The following LRFN5 variants were observed in gnomAD, a reference collection of about 807,000 sequenced individuals.
The protein encoded by LRFN5 is leucine rich repeat and fibronectin type III domain containing 5, also known as leucine-rich repeat and fibronectin type-III domain-containing protein 5.
LRFN5 carries 24 observed loss-of-function variants against 45.6 expected under a neutral mutation model. That is an observed-to-expected ratio of 0.53 (90% CI 0.38 to 0.74). LRFN5 has a LOEUF of 0.74. LRFN5 is among the 30% of genes least tolerant of loss of function. LRFN5 has a pLI of 0.00. For synonymous variants in LRFN5, 340 were observed against 313.8 expected, an observed-to-expected ratio of 1.08 and a Z score of -0.88; for missense variants, 776 against 861.5, an observed-to-expected ratio of 0.90 and a Z score of 1.24.
At chr14:41,879,375 C>T (rs917703943) in intron 2 of LRFN5, among the ~76,000 whole-genome samples, 1 of 151,602 alleles carries the variant, frequency 6.6e-6, no homozygotes, top group African/African-American at 2.4e-5. Context: ...AATTAATCAC[C>T]TACTCACAAT....
intron 1 of LRFN5, among the ~76,000 whole-genome samples, chr14:41,704,867 C>A (rs1430557603): frequency 6.6e-6 from 1 of 152,086 alleles, no homozygotes. Context: ...TTATACATCT[C>A]TGGAGAAATA....
chr14:41,754,506 A>T (rs7161088), intron 1 of LRFN5, among the ~76,000 whole-genome samples: 2 of 151,872 alleles, frequency 1.3e-5, no homozygotes. Flanking sequence ...GGGTTTATGC[A>T]TCGAGGAATT....
At chr14:41,799,389 C>T (rs1411654695) in intron 2 of LRFN5, among the ~76,000 whole-genome samples, 6 of 151,966 alleles carry the variant, frequency 3.9e-5, no homozygotes, top group Non-Finnish European at 8.8e-5. Context: ...TGAGGGGGAT[C>T]ACTGCTGATC....
chr14:41,887,568 GA>G lies in LRFN5; in HGVS notation c.944del (p.Glu315GlyfsTer35). 1 of 1,614,206 alleles carries G rather than the reference GA, an allele frequency of 6.2e-7. No homozygotes were observed. The highest frequency in any genetic ancestry group is 8.5e-7 in the Non-Finnish European group (1 of 1,180,036). On this transcript the variant is annotated frameshift_variant, in exon 3 of 6. Transcript: ENST00000298119. LOFTEE classifies it high-confidence loss of function. This position sits in a 1 kb window ranked among gnomAD's most constrained non-coding sequence, Gnocchi z 4.8. ...GAGGTGCAAAGCCAGGGGAGACCCT[GA>G]GCCTGCAATTCACTGGATTTCTCCT... ...TLRCKARGDP[E>X]PAIHWISPEG...
rs142390169 is a variant in LRFN5, at chr14:41,643,806, C to T, written c.-197+35244C>T. 2.6e-5 allele frequency among the ~76,000 whole-genome samples: 4 copies of T among 152,178 alleles called. No homozygotes were observed. The East Asian group carries it at 7.7e-4, about 29-fold the overall frequency. Reference sequence around the variant, plus strand: ...TCTGCTTTAAACACTCTGATTTTCTCATCTTTCTCTACACATGAAACCATC... The same window carrying T: ...TCTGCTTTAAACACTCTGATTTTCTTATCTTTCTCTACACATGAAACCATC... On this transcript the variant is annotated intron_variant, in intron 1 of 5. Coordinates refer to ENST00000298119, the MANE Select transcript of LRFN5 (RefSeq NM_152447.5).
At chr14:41,844,416 G>A (rs946302644) in intron 2 of LRFN5, among the ~76,000 whole-genome samples, 1 of 142,208 alleles carries the variant, frequency 7.0e-6, no homozygotes, top group African/African-American at 2.7e-5. Flanking sequence ...CAGCCTGGGT[G>A]ACAGAGCAAG....
chr14:41,631,191 C>T (rs1051421345), intron 1 of LRFN5, among the ~76,000 whole-genome samples: 1 of 152,180 alleles, frequency 6.6e-6, no homozygotes, highest in Non-Finnish European at 1.5e-5. Flanking sequence ...TATTACTATT[C>T]CTCTGTTTAC....
intron 1 of LRFN5, among the ~76,000 whole-genome samples, chr14:41,703,761 A>G (rs889575241): frequency 2.0e-5 from 3 of 152,128 alleles, no homozygotes; most frequent in Non-Finnish European, 4.4e-5. Context: ...TTCAAAGATG[A>G]TAGTGTCAGG....
chr14:41,663,140 A>G (rs1035665703), intron 1 of LRFN5, among the ~76,000 whole-genome samples: 2 of 152,152 alleles, frequency 1.3e-5, no homozygotes, highest in Non-Finnish European at 2.9e-5. Flanking sequence ...TTATTTTTCT[A>G]ACATGTCTTT....
At chr14:41,663,965 T>C (rs953581387) in intron 1 of LRFN5, among the ~76,000 whole-genome samples, 1 of 152,044 alleles carries the variant, frequency 6.6e-6, no homozygotes, top group East Asian at 1.9e-4. Flanking sequence ...ATTACAATCA[T>C]CGTATTCACA....
chr14:41,823,043 G>A (rs1173226571), intron 2 of LRFN5, among the ~76,000 whole-genome samples: 2 of 151,106 alleles, frequency 1.3e-5, no homozygotes, highest in African/African-American at 2.4e-5. Context: ...CTAGTTATGC[G>A]GGCTTCTTGT....
At chr14:41,851,559 ATTAAT>A (rs1439454306) in intron 2 of LRFN5, among the ~76,000 whole-genome samples, 1 of 151,818 alleles carries the variant, frequency 6.6e-6, no homozygotes, top group Non-Finnish European at 1.5e-5. Context: ...TTTTACATAA[ATTAAT>A]TTAAATTAAA....
chr14:41,903,025 T>G lies in LRFN5; in HGVS notation c.2143-1133T>G, dbSNP rs201969182. Among the ~76,000 whole-genome samples the G allele has an allele frequency of 1.4e-4, 21 of 151,820 alleles. No homozygotes were observed. The East Asian group carries it at 4.1e-3, about 29-fold the overall frequency. ...TCAGTAGCTTTTTAAAAAGTAATTC[T>G]TTTTTTACAAATAAGATACACACTG... On this transcript the variant is annotated intron_variant, in intron 5 of 5. Coordinates refer to ENST00000298119, the MANE Select transcript of LRFN5 (RefSeq NM_152447.5).
At position 41,878,016 on chromosome 14, in the gene LRFN5, G is replaced by A. The variant is rs1209713902; in HGVS notation, c.-20-8590G>A. ...AGGTTATATATATATCATATTTTGA[G>A]GCCTGAATTTTAGAGGCTCAATAAT... On this transcript the variant is annotated intron_variant, in intron 2 of 5. Coordinates refer to ENST00000298119, the MANE Select transcript of LRFN5 (RefSeq NM_152447.5). 2.7e-5 allele frequency among the ~76,000 whole-genome samples: 4 copies of A among 150,306 alleles called. No individual in the cohort carries two copies. In the Admixed American group the frequency reaches 2.7e-4, roughly 10 times the overall value.
chr14:41,687,187 G>A (rs1260617110), intron 1 of LRFN5, among the ~76,000 whole-genome samples: 1 of 152,158 alleles, frequency 6.6e-6, no homozygotes, highest in Non-Finnish European at 1.5e-5. Context: ...GATATGAACA[G>A]ACACTTCTCA....
At chr14:41,823,987 T>C (rs568761948) in intron 2 of LRFN5, among the ~76,000 whole-genome samples, 1 of 152,302 alleles carries the variant, frequency 6.6e-6, no homozygotes, top group South Asian at 2.1e-4. Context: ...TATTTTGTAA[T>C]TCCTTCAATG....
At chr14:41,613,746 A>G (rs1453933655) in intron 1 of LRFN5, among the ~76,000 whole-genome samples, 2 of 152,016 alleles carry the variant, frequency 1.3e-5, no homozygotes, top group Non-Finnish European at 2.9e-5. Flanking sequence ...CAAAAAAACT[A>G]ATTCATTCAA....
intron 2 of LRFN5, among the ~76,000 whole-genome samples, chr14:41,877,630 G>T (rs1057186683): frequency 6.6e-6 from 1 of 151,832 alleles, no homozygotes; most frequent in African/African-American, 2.4e-5. Context: ...ACATGTGTGT[G>T]TGTATATATA....
intron 1 of LRFN5, among the ~76,000 whole-genome samples, chr14:41,713,267 G>A (rs1883357246): frequency 1.3e-5 from 2 of 152,176 alleles, no homozygotes; most frequent in South Asian, 2.1e-4. Flanking sequence ...TAAATAATGG[G>A]AGAGTCTTCA....
Sources: gnomAD v4.1 joint callset for allele counts (sites outside exome capture counted in the v4.1 genomes callset) on GRCh38, gnomAD v4.1.1 for gene constraint, Gnocchi (gnomAD v3.1) non-coding constraint, MANE v1.5 for transcripts, NCBI Gene and HGNC (gene_info 2026-07-23, HGNC 2026-07-21) for gene names.